ANKHD1: variants seen among roughly 807,000 people sequenced by gnomAD.
ANKHD1 encodes ankyrin repeat and KH domain containing 1.
A neutral mutation model predicts 230.5 loss-of-function variants in ANKHD1; 31 were observed. The observed-to-expected ratio is 0.13, with a 90% CI of 0.10 to 0.18. The LOEUF (loss-of-function observed/expected upper bound fraction) is 0.18. ANKHD1 is among the 10% of genes least tolerant of loss of function. The pLI is 1.00. For missense variants in ANKHD1, 2,256 were observed against 3,071.3 expected, an observed-to-expected ratio of 0.73 and a Z score of 6.27; for synonymous variants, 1,074 against 1,117.6, an observed-to-expected ratio of 0.96 and a Z score of 0.78.
At chr5:140,484,396 T>A (rs556280245) in intron 11 of ANKHD1, among the ~76,000 whole-genome samples, 1 of 152,322 alleles carries the variant, frequency 6.6e-6, no homozygotes, top group African/African-American at 2.4e-5. Context: ...ATTTTTCAGG[T>A]CATGTTATAC....
chr5:140,506,859 G>C lies in ANKHD1; in HGVS notation c.3433G>C (p.Gly1145Arg). 6.2e-7 allele frequency: 1 copy of C among 1,613,960 alleles called. No individual in the cohort carries two copies. Among genetic ancestry groups the C allele is most frequent in the Non-Finnish European group, 8.5e-7 (1 of 1,179,962 alleles). Residue 1145 changes from glycine (G) to arginine (R), a missense_variant, in exon 19 of 34, where the codon GGT becomes CGT. By Grantham distance (125) the Gly-to-Arg change is moderately radical (BLOSUM62 -2). Transcript: ENST00000360839. The surrounding 1 kb of genome is among the most constrained non-coding windows in gnomAD (Gnocchi z 4.7). Reference sequence around the variant, plus strand: ...GGTGGTAGACTTGCTGCTGGCTCGAGGTGCAAATAAAGAACATAGGAACGT... The same window carrying C: ...GGTGGTAGACTTGCTGCTGGCTCGACGTGCAAATAAAGAACATAGGAACGT... ...QEVVDLLLARGANKEHRNVSD... is the reference protein window; with the variant it reads ...QEVVDLLLARRANKEHRNVSD...
Position 140,528,716 on chromosome 5 carries a change from G to C in ANKHD1, c.5770G>C (p.Glu1924Gln), listed in dbSNP as rs564078106. 2 of 1,614,170 alleles carry C rather than the reference G, an allele frequency of 1.2e-6. No homozygotes were observed. The highest frequency in any genetic ancestry group is 4.5e-5 in the East Asian group (2 of 44,882). ...PNQNGTVLPS[E>Q]SAGLATASCP... ...CCAGAACGGGACTGTTTTACCCTCA[G>C]AGTCTGCTGGACTAGCTACTGCCAG... The change falls in exon 29 of 34, where the codon GAG becomes CAG. Residue 1924 changes from glutamate (E) to glutamine (Q), a missense_variant. Physicochemically the swap from Glu to Gln is conservative, Grantham distance 29 (BLOSUM62 2). Transcript: ENST00000360839.
At chr5:140,436,388 A>G in intron 2 of ANKHD1, 131 bp downstream of exon 2, 1 of 1,164,078 alleles carries the variant, frequency 8.6e-7, no homozygotes, top group Non-Finnish European at 1.1e-6. Flanking sequence ...TTTACTTTTT[A>G]TCTCCCAAAG....
intron 15 of ANKHD1, among the ~76,000 whole-genome samples, chr5:140,503,220 C>T (rs1752380980): frequency 6.6e-6 from 1 of 152,106 alleles, no homozygotes; most frequent in Non-Finnish European, 1.5e-5. Context: ...TTATTGCCAT[C>T]ACTGATGCTT....
At chr5:140,515,989 A>T (rs191055371) in intron 24 of ANKHD1, among the ~76,000 whole-genome samples, 1 of 152,222 alleles carries the variant, frequency 6.6e-6, no homozygotes, top group Non-Finnish European at 1.5e-5. Flanking sequence ...CAGACGATCA[A>T]ATTACTCTGA....
At chr5:140,512,790 T>C in intron 22 of ANKHD1, 38 bp from the exon 23 acceptor site, 1 of 1,525,816 alleles carries the variant, frequency 6.6e-7, no homozygotes, top group Non-Finnish European at 8.8e-7. Flanking sequence ...ATTTTTCTTT[T>C]CATGCTACCT....
intron 10 of ANKHD1, chr5:140,465,052 A>T (rs1270181512): frequency 5.0e-6 from 1 of 200,224 alleles, no homozygotes; most frequent in Non-Finnish European, 1.0e-5. Flanking sequence ...TTAAACTGCC[A>T]TCTGTTAGAT....
chr5:140,485,728 C>T lies in ANKHD1; in HGVS notation c.2138C>T (p.Ser713Phe). 1 of 1,613,118 alleles carries T rather than the reference C, an allele frequency of 6.2e-7. No homozygotes were observed. The part of the protein sequence containing the change: ...SQLPPPSQDQ[S>F]QVPRVPTHTL... ...CTCCCTCCACCTTCTCAAGATCAGT[C>T]TCAGGTAAAGTAAAATGGAGCTTGT... is the stretch of plus-strand genomic sequence containing the variant. The change falls in exon 13 of 34, where the codon TCT becomes TTT. Residue 713 changes from serine (S) to phenylalanine (F), a missense_variant. Transcript: ENST00000360839. The surrounding 1 kb of genome is among the most constrained non-coding windows in gnomAD (Gnocchi z 4.8).
chr5:140,497,382 A>G (rs753101910), intron 15 of ANKHD1, 104 bp downstream of exon 15: 52 of 1,464,246 alleles, frequency 3.6e-5, no homozygotes, highest in African/African-American at 5.7e-5. Flanking sequence ...CCATTTTAGA[A>G]CTTTGTAAAA....
At chr5:140,483,704 C>A (rs1048847349) in intron 11 of ANKHD1, among the ~76,000 whole-genome samples, 2 of 151,866 alleles carry the variant, frequency 1.3e-5, no homozygotes, top group Admixed American at 6.6e-5. Flanking sequence ...GTGATCTGCC[C>A]GCCTCGGCCT....
At chr5:140,411,271 A>G (rs1343270969) in intron 1 of ANKHD1, among the ~76,000 whole-genome samples, 2 of 152,218 alleles carry the variant, frequency 1.3e-5, no homozygotes, top group African/African-American at 4.8e-5. Flanking sequence ...TAAAAGCCTC[A>G]GAAGTCTGGG....
At chr5:140,473,284 T>G (rs2126999972) in intron 10 of ANKHD1, among the ~76,000 whole-genome samples, 1 of 152,212 alleles carries the variant, frequency 6.6e-6, no homozygotes, top group Admixed American at 6.5e-5. Context: ...CGCCTCGGCC[T>G]CCTAAAGTGC....
At chr5:140,447,486 G>T (rs760283302) in intron 6 of ANKHD1, among the ~76,000 whole-genome samples, 1 of 152,154 alleles carries the variant, frequency 6.6e-6, no homozygotes, top group Non-Finnish European at 1.5e-5. Context: ...AGGATTACAG[G>T]TGTAAGCCAC....
intron 1 of ANKHD1, among the ~76,000 whole-genome samples, chr5:140,404,943 C>T (rs1489720533): frequency 6.7e-6 from 1 of 149,164 alleles, no homozygotes; most frequent in African/African-American, 2.5e-5. Context: ...AAATTTGTCT[C>T]TCTCTCTTTC....
At chr5:140,456,117 C>T (rs890880811) in intron 7 of ANKHD1, among the ~76,000 whole-genome samples, 3 of 152,064 alleles carry the variant, frequency 2.0e-5, no homozygotes, top group African/African-American at 7.2e-5. Flanking sequence ...ACAATTGCTT[C>T]AAAGAGAATA....
In ANKHD1 at chr5:140,507,605, C is replaced by A. The variant is rs1752596196; in HGVS notation, c.3552-180C>A. On this transcript the variant is annotated intron_variant, in intron 19 of 33. Coordinates refer to ENST00000360839, the MANE Select transcript of ANKHD1 (RefSeq NM_017747.3). This position sits in a 1 kb window ranked among gnomAD's most constrained non-coding sequence, Gnocchi z 4.1. ...TACAGGCATGAGCCACCATGTCTGG[C>A]CGGAAATTATGTTTTAAATTGTGAC... is the stretch of plus-strand genomic sequence containing the variant. 6.6e-6 allele frequency among the ~76,000 whole-genome samples: 1 copy of A among 152,192 alleles called. No individual in the cohort carries two copies. Among genetic ancestry groups the A allele is most frequent in the Non-Finnish European group, 1.5e-5 (1 of 68,036 alleles).
At chr5:140,408,659 C>G (rs1254778489) in intron 1 of ANKHD1, among the ~76,000 whole-genome samples, 2 of 152,044 alleles carry the variant, frequency 1.3e-5, no homozygotes, top group African/African-American at 2.4e-5. Context: ...TGTTTATGAT[C>G]TATATATAAT....
intron 10 of ANKHD1, among the ~76,000 whole-genome samples, chr5:140,479,155 G>A (rs528216915): frequency 1.5e-3 from 230 of 151,264 alleles, no homozygotes; most frequent in African/African-American, 5.4e-3. Context: ...CCGCCACCAC[G>A]CCCGGCTAAT....
At chr5:140,418,764 T>C (rs1003752608) in intron 1 of ANKHD1, among the ~76,000 whole-genome samples, 2 of 152,236 alleles carry the variant, frequency 1.3e-5, no homozygotes, top group Non-Finnish European at 1.5e-5. Flanking sequence ...CGAGTCTTGC[T>C]CTGTCACCCA....
Sources: gnomAD v4.1 joint callset for allele counts (sites outside exome capture counted in the v4.1 genomes callset) on GRCh38, gnomAD v4.1.1 for gene constraint, Gnocchi (gnomAD v3.1) non-coding constraint, MANE v1.5 for transcripts, NCBI Gene and HGNC (gene_info 2026-07-23, HGNC 2026-07-21) for gene names.